Variants in OSBPL5 observed in about 807,000 individuals in gnomAD.
OSBPL5 encodes the protein oxysterol binding protein like 5.
OSBPL5 carries 71 observed loss-of-function variants against 111.2 expected under a neutral mutation model. That is an observed-to-expected ratio of 0.64 (90% confidence interval 0.53 to 0.78). The LOEUF is 0.78. Ranked by LOEUF, OSBPL5 falls within the 30% of genes least tolerant of loss-of-function variation. OSBPL5 has a pLI of 0.00. For missense variants in OSBPL5, 1,210 were observed against 1,189.3 expected (o/e 1.02, Z -0.26); for synonymous variants, 549 against 513.9 (o/e 1.07, Z -0.93).
Position 3,105,850 on chromosome 11 carries a change from C to T in OSBPL5, c.1059+1413G>A, listed in dbSNP as rs368088519. On this transcript the variant is annotated intron_variant, in intron 9 of 21. Transcript: ENST00000263650. The surrounding 1 kb of genome is among the most constrained non-coding windows in gnomAD (Gnocchi z 5.2). Reference sequence around the variant, plus strand: ...TGGCTCACAGCAGCGTCGCTCATCACCATCTGGCTGAGATCTACCCAATCC... The same window carrying T: ...TGGCTCACAGCAGCGTCGCTCATCATCATCTGGCTGAGATCTACCCAATCC... Among the ~76,000 whole-genome samples the T allele has an allele frequency of 8.6e-5, 13 of 151,376 alleles. No homozygotes were observed. The highest frequency in any genetic ancestry group is 2.9e-4 in the African/African-American group (12 of 41,120).
chr11:3,129,203 A>T, intron 1 of OSBPL5, 34 bp from the exon 2 acceptor site: 1 of 1,357,792 alleles, frequency 7.4e-7, no homozygotes, highest in Non-Finnish European at 9.5e-7. Context: ...GCAGGAGGTC[A>T]CCGCCCCGGA....
intron 2 of OSBPL5, among the ~76,000 whole-genome samples, chr11:3,127,809 G>T (rs1039200457): frequency 2.0e-5 from 3 of 152,182 alleles, no homozygotes; most frequent in African/African-American, 7.2e-5. Flanking sequence ...GTCAGCACTG[G>T]TCCTTCTCCT....
rs187503898 is a variant in OSBPL5, at chr11:3,114,862, A to G, written c.691+4685T>C. Reference sequence around the variant, plus strand: ...GTGATCCTCCTGCCTCGGCCTCCCAAAAGTGCTGGGATTACAGGCATGAGC... The same window carrying G: ...GTGATCCTCCTGCCTCGGCCTCCCAGAAGTGCTGGGATTACAGGCATGAGC... On this transcript the variant is annotated intron_variant, in intron 7 of 21. Coordinates refer to ENST00000263650, the MANE Select transcript of OSBPL5 (RefSeq NM_020896.4). Among the ~76,000 whole-genome samples the G allele has an allele frequency of 4.7e-3, 712 of 152,006 alleles. 8 individuals are homozygous for G. The highest frequency in any genetic ancestry group is 0.016 in the African/African-American group (680 of 41,438).
intron 11 of OSBPL5, 83 bp downstream of exon 11, chr11:3,103,156 C>G: frequency 7.8e-7 from 1 of 1,280,518 alleles, no homozygotes; most frequent in Non-Finnish European, 1.1e-6. Context: ...GGCCCGGGGA[C>G]TCAGGGAAGT....
chr11:3,122,632 G>T (rs1272422018), intron 3 of OSBPL5, among the ~76,000 whole-genome samples: 1 of 152,082 alleles, frequency 6.6e-6, no homozygotes, highest in Non-Finnish European at 1.5e-5. Flanking sequence ...GCTGACGAGA[G>T]ACCCTCCATG....
In OSBPL5 at chr11:3,154,426, T is replaced by C. The variant is rs1448166832; in HGVS notation, c.-22+10790A>G. Among the ~76,000 whole-genome samples, 2 of 152,234 alleles carry C rather than the reference T, an allele frequency of 1.3e-5. No individual in the cohort carries two copies. The highest frequency in any genetic ancestry group is 2.9e-5 in the Non-Finnish European group (2 of 68,036). On this transcript the variant is annotated intron_variant, in intron 1 of 21. Transcript: ENST00000263650. The surrounding 1 kb of genome is among the most constrained non-coding windows in gnomAD (Gnocchi z 4.9). ...GAGCCCGGAAGGGTGAGCATGCGCC[T>C]GCTGACGCTTCGTTCACCAAGCGGG... is the stretch of plus-strand genomic sequence containing the variant.
chr11:3,128,620 AG>A (rs1564847782), intron 2 of OSBPL5, among the ~76,000 whole-genome samples: 1 of 152,160 alleles, frequency 6.6e-6, no homozygotes, highest in Non-Finnish European at 1.5e-5. Context: ...CCCATTTTAT[AG>A]ATCAGTCAAC....
chr11:3,122,337 C>G lies in OSBPL5; in HGVS notation c.300+11G>C, dbSNP rs905142221. 6.2e-7 allele frequency: 1 copy of G among 1,611,292 alleles called. No homozygotes were observed. The highest frequency in any genetic ancestry group is 1.7e-5 in the Admixed American group (1 of 59,840). On this transcript the variant is annotated intron_variant, in intron 4 of 21. Coordinates refer to ENST00000263650, the MANE Select transcript of OSBPL5 (RefSeq NM_020896.4). ...GTGACACTGCTGCACCCTCCCCGGGCCCGGGCTCACCTTGAGAGTCTCCTT... is the reference window on the plus strand; with the variant it reads ...GTGACACTGCTGCACCCTCCCCGGGGCCGGGCTCACCTTGAGAGTCTCCTT...
chr11:3,102,446 G>T (rs930121148), intron 11 of OSBPL5, among the ~76,000 whole-genome samples, 165 bp from the exon 12 acceptor site: 15 of 152,334 alleles, frequency 9.8e-5, no homozygotes, highest in African/African-American at 3.6e-4. Flanking sequence ...CTGCTTTGCG[G>T]GGACTATGCT....
chr11:3,112,303 A>G (rs1473161872), intron 7 of OSBPL5, among the ~76,000 whole-genome samples: 1 of 152,136 alleles, frequency 6.6e-6, no homozygotes, highest in East Asian at 1.9e-4. Context: ...TGGGGGACCT[A>G]AAATAGTTTA....
chr11:3,112,775 TG>T (rs1314524111), intron 7 of OSBPL5, among the ~76,000 whole-genome samples: 1 of 152,224 alleles, frequency 6.6e-6, no homozygotes, highest in African/African-American at 2.4e-5. Context: ...TTGTTTGATT[TG>T]GCATCCATCT....
chr11:3,123,514 G>A (rs758498487), intron 3 of OSBPL5, among the ~76,000 whole-genome samples: 6 of 152,242 alleles, frequency 3.9e-5, no homozygotes, highest in African/African-American at 1.2e-4. Flanking sequence ...TACCTGGAAC[G>A]GAGCCTGCGC....
rs1197396849 is a variant in OSBPL5, at chr11:3,109,726, G to A, written c.692-1781C>T. Among the ~76,000 whole-genome samples, 1 of 152,178 alleles carries A rather than the reference G, an allele frequency of 6.6e-6. No homozygotes were observed. The highest frequency in any genetic ancestry group is 2.4e-5 in the African/African-American group (1 of 41,438). Reference sequence around the variant, plus strand: ...GAACACCAGGGTTGGGGGAGGGATGGCAGTGGATGGTGGTGGGGAGCTGGA... The same window carrying A: ...GAACACCAGGGTTGGGGGAGGGATGACAGTGGATGGTGGTGGGGAGCTGGA... On this transcript the variant is annotated intron_variant, in intron 7 of 21. Transcript: ENST00000263650. This position sits in a 1 kb window ranked among gnomAD's most constrained non-coding sequence, Gnocchi z 7.4.
chr11:3,093,972 C>A, intron 15 of OSBPL5, 137 bp from the exon 16 acceptor site: 2 of 1,090,908 alleles, frequency 1.8e-6, no homozygotes, highest in Non-Finnish European at 2.6e-6. Flanking sequence ...CCCTCGCCAA[C>A]GAGGCCTTCG....
rs549434348 is a variant in OSBPL5 at position 3,126,535 on chromosome 11, C to T, written c.157G>A (p.Gly53Ser). ...LSPGKDMEPN[G>S]PSLPRDEGPP... ...CCTTCATCCCTGGGCAGCGACGGGC[C>T]GTTGGGCTCCATGTCCTTCCCTGCA... The change falls in exon 3 of 22, where the codon GGC (glycine) becomes AGC (serine). Residue 53 changes from glycine to serine, a missense_variant. By Grantham distance (56) the Gly-to-Ser change is moderately conservative. Transcript: ENST00000263650. This position sits in a 1 kb window ranked among gnomAD's most constrained non-coding sequence, Gnocchi z 6.5. 4.4e-5 allele frequency: 70 copies of T among 1,608,750 alleles called. No homozygotes were observed. The South Asian group carries it at 4.6e-4, about 11-fold the overall frequency.
rs763371495 is a variant in OSBPL5, at chr11:3,126,595, G to C, written c.137-40C>G. On this transcript the variant is annotated intron_variant, in intron 2 of 21. Coordinates refer to ENST00000263650, the MANE Select transcript of OSBPL5 (RefSeq NM_020896.4). This position sits in a 1 kb window ranked among gnomAD's most constrained non-coding sequence, Gnocchi z 6.5. ...TGGGAGTGAGGACCCAGGCATGGTGGCGTGGCCAGGCTTCTCAGGCCGCTG... is the reference window on the plus strand; with the variant it reads ...TGGGAGTGAGGACCCAGGCATGGTGCCGTGGCCAGGCTTCTCAGGCCGCTG... 8 of 1,552,562 alleles carry C rather than the reference G, an allele frequency of 5.2e-6. No individual in the cohort carries two copies. In the African/African-American group the frequency reaches 8.2e-5, roughly 16 times the overall value.
intron 1 of OSBPL5, among the ~76,000 whole-genome samples, chr11:3,159,398 G>A (rs543252401): frequency 6.6e-6 from 1 of 152,312 alleles, no homozygotes; most frequent in Admixed American, 6.5e-5. Flanking sequence ...TAGGGAGTGT[G>A]CAGGCCAGAC....
chr11:3,101,808 T>A, intron 12 of OSBPL5, 109 bp from the exon 13 acceptor site: 1 of 869,068 alleles, frequency 1.2e-6, no homozygotes, highest in Non-Finnish European at 1.8e-6. Flanking sequence ...CGCCACATCT[T>A]CTCCCCCGAT....
At chr11:3,134,117 A>G (rs1160053632) in intron 1 of OSBPL5, among the ~76,000 whole-genome samples, 1 of 152,194 alleles carries the variant, frequency 6.6e-6, no homozygotes, top group Admixed American at 6.5e-5. Context: ...CCTGACCCCA[A>G]GTCCAAGTCA....
Sources: gnomAD v4.1 joint callset for allele counts (sites outside exome capture counted in the v4.1 genomes callset) on GRCh38, gnomAD v4.1.1 for gene constraint, Gnocchi (gnomAD v3.1) non-coding constraint, MANE v1.5 for transcripts, NCBI Gene and HGNC (gene_info 2026-07-23, HGNC 2026-07-21) for gene names.